The following DHRSX variants were observed in gnomAD, a reference collection of about 807,000 sequenced individuals.
DHRSX encodes the protein polyprenol dehydrogenase.
Under a neutral mutation model 34.0 loss-of-function variants are expected in DHRSX, and 31 were observed. The observed-to-expected ratio is 0.91, with a 90% CI of 0.69 to 1.23. The LOEUF is 1.23. Among genes scored for constraint, DHRSX ranks in the 50% most tolerant of loss-of-function variants. DHRSX has a pLI of 0.00. For missense variants in DHRSX, 414 were observed against 428.1 expected (o/e 0.97, Z 0.29); for synonymous variants, 201 against 183.8 (o/e 1.09, Z -0.76).
intron 1 of DHRSX, among the ~76,000 whole-genome samples, chrX:2,427,805 A>G (rs1341369565): frequency 6.6e-6 from 1 of 152,130 alleles, no homozygotes; most frequent in African/African-American, 2.4e-5. Context: ...AAGTTAGGAG[A>G]TTATTTTGTT....
chrX:2,268,215 T>C (rs2041501016), intron 4 of DHRSX, among the ~76,000 whole-genome samples: 1 of 152,190 alleles, frequency 6.6e-6, no homozygotes, highest in Admixed American at 6.5e-5. Context: ...CTGAAGTCCT[T>C]GCTGTGGAGG....
intron 1 of DHRSX, 65 bp from the exon 2 acceptor site, chrX:2,425,369 T>C (rs181774486): frequency 7.0e-7 from 1 of 1,432,480 alleles, no homozygotes; most frequent in Non-Finnish European, 9.8e-7. Flanking sequence ...TTTGTAAGAA[T>C]TAAGCCTCCA....
chrX:2,442,180 T>C (rs1214129082), intron 1 of DHRSX, among the ~76,000 whole-genome samples: 2 of 151,988 alleles, frequency 1.3e-5, no homozygotes, highest in African/African-American at 2.4e-5. Context: ...ATTAAGAAAA[T>C]CTTAAGGAAG....
At chrX:2,481,275 A>G (rs1461970218) in intron 1 of DHRSX, among the ~76,000 whole-genome samples, 1 of 152,202 alleles carries the variant, frequency 6.6e-6, no homozygotes, top group Non-Finnish European at 1.5e-5. Context: ...GCTGTGACAT[A>G]TTTAATGGTG....
chrX:2,267,124 C>G (rs2041485889), intron 4 of DHRSX, among the ~76,000 whole-genome samples, 177 bp from the exon 5 acceptor site: 1 of 152,174 alleles, frequency 6.6e-6, no homozygotes, highest in African/African-American at 2.4e-5. Flanking sequence ...GGAGAAGATT[C>G]TAGAAGATCA....
chrX:2,438,523 T>C (rs1320753191), intron 1 of DHRSX, among the ~76,000 whole-genome samples: 9 of 151,656 alleles, frequency 5.9e-5, no homozygotes, highest in Admixed American at 4.6e-4. Context: ...ATTAAAAAAT[T>C]AGCCGGGCGA....
chrX:2,314,540 ATG>A (rs1450570570), intron 3 of DHRSX, among the ~76,000 whole-genome samples: 1 of 146,906 alleles, frequency 6.8e-6, no homozygotes, highest in African/African-American at 2.5e-5. Context: ...TCTCTATAGA[ATG>A]TGGATTTTTC....
intron 1 of DHRSX, among the ~76,000 whole-genome samples, chrX:2,474,736 G>A (rs67934347): frequency 0.21 from 30,774 of 148,720 alleles, 4,143 homozygotes; most frequent in African/African-American, 0.39. Flanking sequence ...CACTGAAGAC[G>A]TTCCCTAAGA....
At chrX:2,500,565 AGGGTC>A (rs1375133208) in intron 1 of DHRSX, 1 of 171,186 alleles carries the variant, frequency 5.8e-6, no homozygotes, top group Non-Finnish European at 1.2e-5. Context: ...CGGGGAGGGA[AGGGTC>A]GGGCCGGGTC....
intron 3 of DHRSX, among the ~76,000 whole-genome samples, chrX:2,347,576 C>T (rs1255390379): frequency 1.3e-5 from 2 of 152,288 alleles, no homozygotes; most frequent in Non-Finnish European, 2.9e-5. Flanking sequence ...CACCTGTAAT[C>T]CCAGCTAATT....
At chrX:2,237,888 G>A (rs1218818128) in intron 6 of DHRSX, among the ~76,000 whole-genome samples, 1 of 152,054 alleles carries the variant, frequency 6.6e-6, no homozygotes, top group African/African-American at 2.4e-5. Context: ...TGCTCCCTAG[G>A]AGGGGTATAC....
In DHRSX at chrX:2,349,993, C is replaced by T. The variant is rs747924424; in HGVS notation, c.287-58390G>A. ...GGTGGAGCTTGCAGTAAGCCGAGATCGCGCCACTGCACTCCAGCCTGGGCG... is the reference window on the plus strand; with the variant it reads ...GGTGGAGCTTGCAGTAAGCCGAGATTGCGCCACTGCACTCCAGCCTGGGCG... On this transcript the variant is annotated intron_variant, in intron 3 of 6. Coordinates refer to ENST00000334651, the MANE Select transcript of DHRSX (RefSeq NM_145177.3). Among the ~76,000 whole-genome samples the T allele has an allele frequency of 1.3e-4, 20 of 151,732 alleles. No homozygotes were observed. In the South Asian group the frequency reaches 3.5e-3, roughly 27 times the overall value.
intron 3 of DHRSX, among the ~76,000 whole-genome samples, chrX:2,351,352 G>A (rs28649541): frequency 1.3e-5 from 2 of 152,204 alleles, no homozygotes; most frequent in Admixed American, 1.3e-4. Context: ...GAGTCCATCA[G>A]AATACTTGTA....
chrX:2,453,924 A>T (rs1042809566), intron 1 of DHRSX, among the ~76,000 whole-genome samples: 4 of 152,122 alleles, frequency 2.6e-5, no homozygotes, highest in African/African-American at 9.7e-5. Flanking sequence ...TATTAGCTTT[A>T]TTTTAATATG....
chrX:2,339,001 C>T (rs1228407308), intron 3 of DHRSX, among the ~76,000 whole-genome samples: 1 of 151,916 alleles, frequency 6.6e-6, no homozygotes, highest in Non-Finnish European at 1.5e-5. Context: ...AATGATAATC[C>T]ATATAATTTC....
At chrX:2,484,928 C>G (rs759301839) in intron 1 of DHRSX, among the ~76,000 whole-genome samples, 5 of 152,192 alleles carry the variant, frequency 3.3e-5, no homozygotes, top group South Asian at 2.1e-4. Flanking sequence ...CCAACCGGCT[C>G]CTTCCCACCA....
intron 1 of DHRSX, among the ~76,000 whole-genome samples, chrX:2,463,253 T>G (rs2044428212): frequency 6.6e-6 from 1 of 151,914 alleles, no homozygotes; most frequent in African/African-American, 2.4e-5. Context: ...GAGGCGGAGG[T>G]TGCAGTGACC....
intron 1 of DHRSX, among the ~76,000 whole-genome samples, chrX:2,457,218 T>C (rs989112493): frequency 3.3e-5 from 5 of 151,596 alleles, no homozygotes; most frequent in African/African-American, 1.2e-4. Flanking sequence ...GGGTCCACAC[T>C]GAAGATGATC....
At chrX:2,346,999 A>G (rs1394838498) in intron 3 of DHRSX, among the ~76,000 whole-genome samples, 1 of 152,174 alleles carries the variant, frequency 6.6e-6, no homozygotes, top group Non-Finnish European at 1.5e-5. Flanking sequence ...TTATGGCTGC[A>G]TAGTATTCCA....
Sources: gnomAD v4.1 joint callset for allele counts (sites outside exome capture counted in the v4.1 genomes callset) on GRCh38, gnomAD v4.1.1 for gene constraint, MANE v1.5 for transcripts, NCBI Gene and HGNC (gene_info 2026-07-23, HGNC 2026-07-21) for gene names.